Variants in DEUP1 observed in about 807,000 individuals in gnomAD.
The protein encoded by DEUP1 is deuterosome assembly protein 1, also known as coiled-coil domain containing 67.
DEUP1 carries 82 observed loss-of-function variants against 87.4 expected under a neutral mutation model. That is an observed-to-expected ratio of 0.94 (90% confidence interval 0.78 to 1.13). The LOEUF (loss-of-function observed/expected upper bound fraction) is 1.13. DEUP1 is among the 50% of genes most tolerant of loss of function. The pLI, the probability that DEUP1 is intolerant of heterozygous loss-of-function variation, is 0.00. For synonymous variants in DEUP1, 214 were observed against 222.7 expected (o/e 0.96, Z 0.35); for missense variants, 663 against 681.5 (o/e 0.97, Z 0.30).
intron 13 of DEUP1, among the ~76,000 whole-genome samples, chr11:93,416,961 A>T (rs77236973): frequency 1.3e-5 from 2 of 152,184 alleles, no homozygotes; most frequent in African/African-American, 4.8e-5. Flanking sequence ...CAGAAAAAGC[A>T]TTTGACAAAA....
chr11:93,420,359 C>G (rs189006668), intron 13 of DEUP1, among the ~76,000 whole-genome samples: 69 of 152,276 alleles, frequency 4.5e-4, no homozygotes, highest in African/African-American at 1.4e-3. Context: ...TGACAAAATT[C>G]AACAATGCTT....
chr11:93,336,686 C>G (rs993369990), intron 2 of DEUP1, among the ~76,000 whole-genome samples: 1 of 152,162 alleles, frequency 6.6e-6, no homozygotes, highest in Non-Finnish European at 1.5e-5. Context: ...CAGTCCAGAG[C>G]CTTTCTGTTT....
chr11:93,356,064 G>A (rs556394134), intron 3 of DEUP1, among the ~76,000 whole-genome samples: 3 of 149,244 alleles, frequency 2.0e-5, no homozygotes, highest in South Asian at 4.4e-4. Context: ...TGCCAAGCTG[G>A]TGGTCATAGA....
chr11:93,351,997 G>C (rs1944648837), intron 2 of DEUP1, among the ~76,000 whole-genome samples: 1 of 152,056 alleles, frequency 6.6e-6, no homozygotes, highest in African/African-American at 2.4e-5. Flanking sequence ...TTGCTGTGTG[G>C]TATACAGGAA....
intron 13 of DEUP1, among the ~76,000 whole-genome samples, chr11:93,427,481 G>A (rs1057245144): frequency 6.6e-6 from 1 of 151,894 alleles, no homozygotes; most frequent in Admixed American, 6.6e-5. Context: ...AATTCAAGAT[G>A]GATTAAAGAG....
At chr11:93,338,431 G>T in intron 2 of DEUP1, among the ~76,000 whole-genome samples, 1 of 149,542 alleles carries the variant, frequency 6.7e-6, no homozygotes, top group Non-Finnish European at 1.5e-5. Context: ...TCCTGAGGCA[G>T]GGTCTTGCTC....
chr11:93,416,904 T>C (rs1947655991), intron 13 of DEUP1, among the ~76,000 whole-genome samples: 1 of 152,150 alleles, frequency 6.6e-6, no homozygotes, highest in South Asian at 2.1e-4. Flanking sequence ...TAATCCAGCA[T>C]ACAAATGGGA....
chr11:93,349,197 A>G (rs1455009408), intron 2 of DEUP1, among the ~76,000 whole-genome samples: 3 of 152,172 alleles, frequency 2.0e-5, no homozygotes, highest in Non-Finnish European at 4.4e-5. Flanking sequence ...TGCTTAATGA[A>G]TGTTTGCTGA....
chr11:93,394,396 A>C (rs1455049754), intron 9 of DEUP1, 63 bp from the exon 10 acceptor site: 1 of 1,301,104 alleles, frequency 7.7e-7, no homozygotes, highest in Non-Finnish European at 1.0e-6. Context: ...ATGGCCAGTA[A>C]AATTTTAAGC....
At chr11:93,358,779 C>T (rs570370406) in intron 4 of DEUP1, among the ~76,000 whole-genome samples, 233 of 152,210 alleles carry the variant, frequency 1.5e-3, no homozygotes, top group African/African-American at 5.0e-3. Flanking sequence ...GATGGTGTTT[C>T]GCCTTGTTGG....
At chr11:93,364,569 T>C (rs556770629) in intron 5 of DEUP1, among the ~76,000 whole-genome samples, 78 of 151,912 alleles carry the variant, frequency 5.1e-4, no homozygotes, top group African/African-American at 1.8e-3. Context: ...ACTGCAGCTG[T>C]TGAGTAAAAT....
intron 13 of DEUP1, among the ~76,000 whole-genome samples, chr11:93,418,726 T>G (rs1189680228): frequency 1.3e-5 from 2 of 151,916 alleles, no homozygotes; most frequent in African/African-American, 2.4e-5. Context: ...TAAAGACACA[T>G]GCACACGTAT....
At chr11:93,347,704 T>C (rs1944421601) in intron 2 of DEUP1, among the ~76,000 whole-genome samples, 1 of 152,148 alleles carries the variant, frequency 6.6e-6, no homozygotes, top group Non-Finnish European at 1.5e-5. Flanking sequence ...ATTGTTGGTC[T>C]GTTCAGAGAT....
chr11:93,434,082 A>T (rs1948173403), intron 13 of DEUP1, among the ~76,000 whole-genome samples: 1 of 152,144 alleles, frequency 6.6e-6, no homozygotes, highest in Admixed American at 6.5e-5. Flanking sequence ...CAGCCTGGGG[A>T]AGGGGATCCG....
rs1255162063 is a variant in DEUP1 at position 93,415,006 on chromosome 11, T to A, written c.1530T>A (p.Ser510Arg). The A allele has an allele frequency of 7.7e-6, 12 of 1,559,920 alleles. No individual in the cohort carries two copies. The highest frequency in any genetic ancestry group is 1.0e-5 in the Non-Finnish European group (12 of 1,155,114). Residue 510 changes from serine to arginine, a missense_variant, in exon 13 of 14, where the codon AGT becomes AGA. Ser to Arg is a moderately radical substitution (Grantham distance 110, BLOSUM62 -1). Coordinates refer to ENST00000298050, the MANE Select transcript of DEUP1 (RefSeq NM_181645.4). ...IKVEQNEERL[S>R]HDCEPNRSTM... is the part of the protein sequence containing the mutation. Reference sequence around the variant, plus strand: ...ACCATTTCTTCTCTTTTAGACTTAGTCATGACTGTGAGCCAAACAGAAGTA... The same window carrying A: ...ACCATTTCTTCTCTTTTAGACTTAGACATGACTGTGAGCCAAACAGAAGTA...
chr11:93,364,188 A>G lies in DEUP1; in HGVS notation c.326A>G (p.Lys109Arg). ...QFSKLTNNFEKLRLHQMKQNK... is the reference protein window; with the variant it reads ...QFSKLTNNFERLRLHQMKQNK... Reference sequence around the variant, plus strand: ...TCCAAACTAACAAATAACTTTGAAAAACTGAGATTACATCAGATGAAACAA... The same window carrying G: ...TCCAAACTAACAAATAACTTTGAAAGACTGAGATTACATCAGATGAAACAA... The change falls in exon 5 of 14, where the codon AAA becomes AGA. Residue 109 changes from lysine (K) to arginine (R), a missense_variant. Physicochemically the swap from Lys to Arg is conservative, Grantham distance 26. Coordinates refer to ENST00000298050, the MANE Select transcript of DEUP1 (RefSeq NM_181645.4). 6.3e-7 allele frequency: 1 copy of G among 1,597,792 alleles called. No homozygotes were observed. The highest frequency in any genetic ancestry group is 8.6e-7 in the Non-Finnish European group (1 of 1,168,036).
intron 13 of DEUP1, 43 bp from the exon 14 acceptor site, chr11:93,437,500 A>G: frequency 6.8e-7 from 1 of 1,474,870 alleles, no homozygotes; most frequent in East Asian, 2.3e-5. Flanking sequence ...GATTTTTTAA[A>G]GCTCTGTATT....
chr11:93,407,770 A>C (rs549097111), intron 11 of DEUP1, among the ~76,000 whole-genome samples: 1 of 152,086 alleles, frequency 6.6e-6, no homozygotes, highest in South Asian at 2.1e-4. Context: ...ATTAATCAAC[A>C]CTAGAAGGTA....
At chr11:93,427,334 A>G (rs1160389885) in intron 13 of DEUP1, among the ~76,000 whole-genome samples, 14 of 151,982 alleles carry the variant, frequency 9.2e-5, no homozygotes, top group Admixed American at 5.2e-4. Context: ...ATCTACAACC[A>G]TCTGATCTTT....
Sources: gnomAD v4.1 joint callset for allele counts (sites outside exome capture counted in the v4.1 genomes callset) on GRCh38, gnomAD v4.1.1 for gene constraint, MANE v1.5 for transcripts, NCBI Gene and HGNC (gene_info 2026-07-23, HGNC 2026-07-21) for gene names.